The following WBP4 variants were observed in gnomAD, a reference collection of about 807,000 sequenced individuals.
The protein encoded by WBP4 is WW domain binding protein 4, also known as WW domain-binding protein 4.
A neutral mutation model predicts 55.4 loss-of-function variants in WBP4; 37 were observed. The ratio of observed to expected loss-of-function variants is 0.67; its 90% CI spans 0.51 to 0.88. The LOEUF is 0.88. WBP4 is among the 40% of genes least tolerant of loss of function. WBP4 has a pLI of 0.00. For missense variants in WBP4, 398 were observed against 420.8 expected, an observed-to-expected ratio of 0.95 and a Z score of 0.47; for synonymous variants, 142 against 140.2, an observed-to-expected ratio of 1.01 and a Z score of -0.09.
chr13:41,063,291 G>A (rs1593423588), intron 2 of WBP4, among the ~76,000 whole-genome samples: 2 of 152,146 alleles, frequency 1.3e-5, no homozygotes, highest in Non-Finnish European at 2.9e-5. Context: ...CCTCTTGCAT[G>A]TCAAAATACT....
intron 8 of WBP4, among the ~76,000 whole-genome samples, chr13:41,080,305 A>G (rs913708617): frequency 1.3e-5 from 2 of 152,352 alleles, no homozygotes; most frequent in Middle Eastern, 3.4e-3. Flanking sequence ...GAAGAATTCA[A>G]CAGAGCCACA....
Position 41,061,548 on chromosome 13 carries a change from TA to T in WBP4, c.-124del. On this transcript the variant is annotated 5_prime_UTR_variant, in exon 1 of 10. Transcript: ENST00000379487. The stretch of plus-strand genomic sequence containing the variant: ...CGGAACGCTGGTCCCGGGGACTGAG[TA>T]AGGTGTCTGGATCGGAGGGAGGTTC... 1 of 1,455,596 alleles carries T rather than the reference TA, an allele frequency of 6.9e-7. No individual in the cohort carries two copies. The highest frequency in any genetic ancestry group is 9.5e-7 in the Non-Finnish European group (1 of 1,048,986). 90.2% of individuals were successfully genotyped at this position (1,455,596 alleles called of 1,614,324 possible).
intron 1 of WBP4, 148 bp downstream of exon 1, chr13:41,061,823 GCA>G: frequency 7.4e-7 from 1 of 1,345,014 alleles, no homozygotes; most frequent in Non-Finnish European, 1.0e-6. Flanking sequence ...CCCCAGACCT[GCA>G]GGGCCGGTTC....
Position 41,062,682 on chromosome 13 carries a change from A to AT in WBP4, c.43dup (p.Tyr15LeufsTer10), listed in dbSNP as rs757057588. 6.2e-7 allele frequency: 1 copy of AT among 1,613,834 alleles called. No homozygotes were observed. The highest frequency in any genetic ancestry group is 1.1e-5 in the South Asian group (1 of 91,042). On this transcript the variant is annotated frameshift_variant, in exon 2 of 10. Transcript: ENST00000379487. LOFTEE classifies it high-confidence loss of function. ...AAGTCACAGCCAAAGAAATTCTGTGATTACTGCAAGTGCTGGATAGCAGAC... is the reference window on the plus strand; with the variant it reads ...AAGTCACAGCCAAAGAAATTCTGTGATTTACTGCAAGTGCTGGATAGCAGAC...
At chr13:41,072,956 C>T (rs1878316479) in intron 7 of WBP4, 99 bp downstream of exon 7, 2 of 868,914 alleles carry the variant, frequency 2.3e-6, no homozygotes, top group South Asian at 1.8e-5. Flanking sequence ...TTTTAGTATA[C>T]AATAAACATA....
In WBP4 at chr13:41,062,693, T is replaced by G; in HGVS notation, c.52T>G (p.Cys18Gly). The G allele has an allele frequency of 6.2e-7, 1 of 1,613,794 alleles. No homozygotes were observed. The highest frequency in any genetic ancestry group is 8.5e-7 in the Non-Finnish European group (1 of 1,179,790). Reference sequence around the variant, plus strand: ...AAAGAAATTCTGTGATTACTGCAAGTGCTGGATAGCAGACAATAGGCCTGT... The same window carrying G: ...AAAGAAATTCTGTGATTACTGCAAGGGCTGGATAGCAGACAATAGGCCTGT... ...QPKKFCDYCK[C>G]WIADNRPSVE... Residue 18 changes from cysteine to glycine, a missense_variant, in exon 2 of 10, where the codon TGC becomes GGC. Physicochemically the swap from Cys to Gly is radical, Grantham distance 159 (BLOSUM62 -3). Coordinates refer to ENST00000379487, the MANE Select transcript of WBP4 (RefSeq NM_007187.5).
chr13:41,067,213 CA>C (rs1878012797), intron 4 of WBP4, among the ~76,000 whole-genome samples: 1 of 152,152 alleles, frequency 6.6e-6, no homozygotes, highest in African/African-American at 2.4e-5. Context: ...CTGGGCTTCC[CA>C]AAGTGCTGGG....
chr13:41,065,112 T>C, intron 3 of WBP4, 34 bp downstream of exon 3: 2 of 1,600,850 alleles, frequency 1.2e-6, no homozygotes, highest in Non-Finnish European at 1.7e-6. Flanking sequence ...AATTTTTCTA[T>C]GCAAATGTCA....
chr13:41,073,541 G>A (rs1012560357), intron 7 of WBP4, among the ~76,000 whole-genome samples: 24 of 151,346 alleles, frequency 1.6e-4, no homozygotes, highest in East Asian at 1.2e-3. Context: ...TAGGCTAGGC[G>A]CGGTGGCTCA....
At chr13:41,062,774 T>A in intron 2 of WBP4, 58 bp downstream of exon 2, 4 of 1,490,620 alleles carry the variant, frequency 2.7e-6, no homozygotes, top group Non-Finnish European at 3.7e-6. Context: ...GAAGTGCTCC[T>A]TTTTGATGTA....
chr13:41,065,081 A>C lies in WBP4; in HGVS notation c.138+3A>C. ...ATGTGGCAAAAAGGATCAGTGAGGT[A>C]ATTTAGATTGTTTATTTGCTAATTT... On this transcript the variant is annotated splice_donor_region_variant and intron_variant, in intron 3 of 9. Coordinates refer to ENST00000379487, the MANE Select transcript of WBP4 (RefSeq NM_007187.5). 1 of 1,602,030 alleles carries C rather than the reference A, an allele frequency of 6.2e-7. No individual in the cohort carries two copies. The highest frequency in any genetic ancestry group is 8.5e-7 in the Non-Finnish European group (1 of 1,176,896).
intron 9 of WBP4, among the ~76,000 whole-genome samples, chr13:41,081,498 CAAAAAAAAAA>C (rs555764002): frequency 1.2e-5 from 1 of 81,188 alleles, no homozygotes; most frequent in African/African-American, 5.1e-5. Flanking sequence ...ACCTTGTCTC[CAAAAAAAAAA>C]AAAAAAAAAA....
intron 4 of WBP4, among the ~76,000 whole-genome samples, chr13:41,068,256 G>A (rs1466664534): frequency 6.6e-6 from 1 of 151,894 alleles, no homozygotes; most frequent in Non-Finnish European, 1.5e-5. Context: ...CTCTGTATCT[G>A]GACTATTTTG....
In WBP4 at chr13:41,061,810, C is replaced by T. The variant is rs149097782; in HGVS notation, c.2+135C>T. On this transcript the variant is annotated intron_variant, in intron 1 of 9. Coordinates refer to ENST00000379487, the MANE Select transcript of WBP4 (RefSeq NM_007187.5). ...GACGCGTTCTTAACTCGCTCGGGACCGGCCCCAGACCTGCAGGGCCGGTTC... is the reference window on the plus strand; with the variant it reads ...GACGCGTTCTTAACTCGCTCGGGACTGGCCCCAGACCTGCAGGGCCGGTTC... 2,839 of 1,437,332 alleles carry T rather than the reference C, an allele frequency of 2.0e-3. 55 individuals carry two copies. The African/African-American group carries it at 0.034, about 17-fold the overall frequency. The allele number at this position is 1,437,332 out of a possible 1,614,324, so 89.0% of individuals were successfully genotyped here.
chr13:41,076,705 G>A (rs1593432536), intron 8 of WBP4, among the ~76,000 whole-genome samples: 1 of 152,196 alleles, frequency 6.6e-6, no homozygotes, highest in African/African-American at 2.4e-5. Context: ...TCAAAGCAGA[G>A]GAGACACATT....
rs1877635137 is a variant in WBP4, at chr13:41,061,552, G to T, written c.-122G>T. The stretch of plus-strand genomic sequence containing the variant: ...ACGCTGGTCCCGGGGACTGAGTAAG[G>T]TGTCTGGATCGGAGGGAGGTTCGGG... On this transcript the variant is annotated 5_prime_UTR_variant, in exon 1 of 10. Transcript: ENST00000379487. 3 of 1,475,168 alleles carry T rather than the reference G, an allele frequency of 2.0e-6. No individual in the cohort carries two copies. In the African/African-American group the frequency reaches 4.1e-5, roughly 20 times the overall value. 91.4% of individuals were successfully genotyped at this position (1,475,168 alleles called of 1,614,324 possible). A position where few individuals can be genotyped will look rare whatever the true frequency, so the allele number is the denominator to read the frequency against.
rs112214489 is a variant in WBP4, at chr13:41,079,888, A to G, written c.757-758A>G. 5.9e-3 allele frequency among the ~76,000 whole-genome samples: 905 copies of G among 152,346 alleles called. 8 individuals carry two copies. The highest frequency in any genetic ancestry group is 0.02 in the African/African-American group (851 of 41,582). ...GCACACACACCATGGAATACTACTC[A>G]GCCATAAAAAATGAAATGATAGCTT... On this transcript the variant is annotated intron_variant, in intron 8 of 9. Transcript: ENST00000379487.
intron 4 of WBP4, among the ~76,000 whole-genome samples, chr13:41,066,931 GTT>G (rs769592983): frequency 2.0e-5 from 3 of 152,172 alleles, no homozygotes; most frequent in Non-Finnish European, 2.9e-5. Context: ...ACAAAAATAA[GTT>G]TATTAACCCG....
chr13:41,063,450 A>C (rs1877801950), intron 2 of WBP4, among the ~76,000 whole-genome samples: 1 of 151,016 alleles, frequency 6.6e-6, no homozygotes, highest in South Asian at 2.1e-4. Flanking sequence ...ATTTCCTGTT[A>C]CCTGCAAGGT....
Sources: gnomAD v4.1 joint callset for allele counts (sites outside exome capture counted in the v4.1 genomes callset) on GRCh38, gnomAD v4.1.1 for gene constraint, MANE v1.5 for transcripts, NCBI Gene and HGNC (gene_info 2026-07-23, HGNC 2026-07-21) for gene names.